Variants in PTH2R observed in about 807,000 individuals in gnomAD.
The protein encoded by PTH2R is parathyroid hormone 2 receptor, also known as PTH2 receptor.
PTH2R carries 59 observed loss-of-function variants against 60.3 expected under a neutral mutation model. The observed-to-expected ratio is 0.98, with a 90% CI of 0.79 to 1.22. PTH2R has a LOEUF of 1.22. Ranked by LOEUF, PTH2R falls within the 50% of genes most tolerant of loss-of-function variation. PTH2R has a pLI of 0.00. For synonymous variants in PTH2R, 256 were observed against 243.8 expected (o/e 1.05, Z -0.47); for missense variants, 749 against 682.6 (o/e 1.10, Z -1.08).
At chr2:208,481,646 A>G (rs1351964029) in intron 10 of PTH2R, among the ~76,000 whole-genome samples, 1 of 152,210 alleles carries the variant, frequency 6.6e-6, no homozygotes, top group Non-Finnish European at 1.5e-5. Context: ...AGTAACCCCA[A>G]AAGCTACCCC....
At chr2:208,489,540 GA>G (rs1435871104) in intron 11 of PTH2R, among the ~76,000 whole-genome samples, 1 of 152,108 alleles carries the variant, frequency 6.6e-6, no homozygotes, top group East Asian at 1.9e-4. Context: ...CAAAACTGAG[GA>G]AGAGGTTGCT....
At chr2:208,461,476 T>C (rs929034509) in intron 9 of PTH2R, among the ~76,000 whole-genome samples, 5 of 152,146 alleles carry the variant, frequency 3.3e-5, no homozygotes, top group Non-Finnish European at 7.4e-5. Context: ...TACTATTATC[T>C]TTTTAAGGGA....
chr2:208,449,850 T>C (rs190968309), intron 7 of PTH2R, among the ~76,000 whole-genome samples: 43 of 152,334 alleles, frequency 2.8e-4, no homozygotes, highest in African/African-American at 9.9e-4. Context: ...GACCAAAATT[T>C]TGTTTTCCCC....
intron 6 of PTH2R, among the ~76,000 whole-genome samples, chr2:208,443,834 C>T (rs1027185324): frequency 2.0e-5 from 3 of 152,128 alleles, no homozygotes; most frequent in African/African-American, 7.2e-5. Context: ...TCATGGGGCT[C>T]ACCACTTTCG....
intron 1 of PTH2R, among the ~76,000 whole-genome samples, chr2:208,401,644 C>G (rs1176805342): frequency 1.3e-5 from 2 of 152,116 alleles, no homozygotes; most frequent in Non-Finnish European, 2.9e-5. Flanking sequence ...CCCTCCTGTT[C>G]TGCCCGTCTC....
chr2:208,410,687 A>G (rs1701522493), intron 1 of PTH2R, among the ~76,000 whole-genome samples: 1 of 152,222 alleles, frequency 6.6e-6, no homozygotes. Flanking sequence ...ATATGGTATG[A>G]TATCATTTAC....
chr2:208,386,173 C>T (rs1700997590), intron 1 of PTH2R, among the ~76,000 whole-genome samples: 2 of 152,192 alleles, frequency 1.3e-5, no homozygotes, highest in Admixed American at 6.5e-5. Flanking sequence ...GACTTGTGCT[C>T]ATCATCATAC....
intron 1 of PTH2R, among the ~76,000 whole-genome samples, chr2:208,380,281 G>C (rs1417306186): frequency 2.0e-5 from 3 of 152,076 alleles, no homozygotes; most frequent in Admixed American, 6.5e-5. Flanking sequence ...CAAGTGACAG[G>C]ACATAAACTT....
chr2:208,461,156 A>G (rs1175148855), intron 9 of PTH2R, among the ~76,000 whole-genome samples: 3 of 152,186 alleles, frequency 2.0e-5, no homozygotes, highest in Non-Finnish European at 4.4e-5. Context: ...CCATCCTATT[A>G]ACAAATTGGT....
At position 208,493,757 on chromosome 2, in the gene PTH2R, T is replaced by G. The variant is rs945814918; in HGVS notation, c.*98T>G. 8.2e-6 allele frequency: 11 copies of G among 1,348,740 alleles called. No individual in the cohort carries two copies. Among genetic ancestry groups the G allele is most frequent in the Non-Finnish European group, 1.1e-5 (11 of 1,007,506 alleles). 83.5% of individuals were successfully genotyped at this position (1,348,740 alleles called of 1,614,324 possible). The stretch of plus-strand genomic sequence containing the variant: ...TATGCTTGAGTTCAAAGGCTGAAAA[T>G]TCAGTTAAGGTGTTACTTAATAATA... On this transcript the variant is annotated 3_prime_UTR_variant, in exon 13 of 13. Transcript: ENST00000272847.
At position 208,397,052 on chromosome 2, in the gene PTH2R, A is replaced by G. The variant is rs559983617; in HGVS notation, c.-258-31149A>G. Among the ~76,000 whole-genome samples, 106 of 152,276 alleles carry G rather than the reference A, an allele frequency of 7.0e-4. 1 individual carries two copies. The highest frequency in any genetic ancestry group is 3.4e-3 in the Middle Eastern group (1 of 294). ...ACCATCATTCTCAGCAGACTGACCC[A>G]AGGACAGAAAACCAAACCTGCATGT... On this transcript the variant is annotated intron_variant, in intron 1 of 12. Transcript: ENST00000617735.
At chr2:208,364,865 A>C (rs1700547451) in intron 1 of PTH2R, among the ~76,000 whole-genome samples, 1 of 151,914 alleles carries the variant, frequency 6.6e-6, no homozygotes, top group South Asian at 2.1e-4. Flanking sequence ...AGTTTTCATT[A>C]TATAAGTTTT....
intron 1 of PTH2R, among the ~76,000 whole-genome samples, chr2:208,362,029 C>T (rs1300035402): frequency 6.6e-6 from 1 of 152,098 alleles, no homozygotes; most frequent in Non-Finnish European, 1.5e-5. Flanking sequence ...CAGAACAAAC[C>T]AAAAAGGTGG....
At position 208,418,635 on chromosome 2, in the gene PTH2R, G is replaced by T. The variant is rs777264906; in HGVS notation, c.76-9566G>T. 7.0e-4 allele frequency among the ~76,000 whole-genome samples: 106 copies of T among 152,186 alleles called. 1 individual carries two copies. Among genetic ancestry groups the T allele is most frequent in the Admixed American group, 3.0e-3 (46 of 15,290 alleles). ...CATAAAAATTATACTAAATGAGGTAGTTAGAAATATTCCACTTAAAGGGAG... is the reference window on the plus strand; with the variant it reads ...CATAAAAATTATACTAAATGAGGTATTTAGAAATATTCCACTTAAAGGGAG... On this transcript the variant is annotated intron_variant, in intron 1 of 12. Coordinates refer to ENST00000272847, the MANE Select transcript of PTH2R (RefSeq NM_005048.4).
chr2:208,374,768 A>G (rs1239525760), intron 1 of PTH2R, among the ~76,000 whole-genome samples: 2 of 152,006 alleles, frequency 1.3e-5, no homozygotes, highest in Non-Finnish European at 2.9e-5. Flanking sequence ...AGCCCCACAA[A>G]GTGCTGGGAT....
rs79037890 is a variant in PTH2R, at chr2:208,476,199, G to C, written c.982-4871G>C. 8.8e-3 allele frequency among the ~76,000 whole-genome samples: 1,337 copies of C among 152,214 alleles called. 24 individuals are homozygous for C. The highest frequency in any genetic ancestry group is 0.031 in the African/African-American group (1,289 of 41,528). On this transcript the variant is annotated intron_variant, in intron 9 of 12. Transcript: ENST00000272847. ...AGGTACATGCTTCTCAGCTGCTCTT[G>C]GGTGAGTGATTCATTTTCTCCCAGT...
chr2:208,365,139 C>T (rs1045657511), intron 1 of PTH2R, among the ~76,000 whole-genome samples: 3 of 151,764 alleles, frequency 2.0e-5, no homozygotes, highest in African/African-American at 7.3e-5. Context: ...TCTTTCTTCC[C>T]AATTTGGATG....
At chr2:208,404,626 GTTA>G (rs1701367244), upstream of PTH2R, among the ~76,000 whole-genome samples, 1 of 152,082 alleles carries the variant, frequency 6.6e-6, no homozygotes. Flanking sequence ...GAGGCAACTT[GTTA>G]TTAGTAATAA....
In PTH2R at chr2:208,418,377, G is replaced by A. The variant is rs566560621; in HGVS notation, c.76-9824G>A. Reference sequence around the variant, plus strand: ...TTTTGCACTCAATTTTTTTTTTTAAGGAGGAAGAATTTTAGCAAATTTTAT... The same window carrying A: ...TTTTGCACTCAATTTTTTTTTTTAAAGAGGAAGAATTTTAGCAAATTTTAT... On this transcript the variant is annotated intron_variant, in intron 1 of 12. Transcript: ENST00000272847. 2.4e-3 allele frequency among the ~76,000 whole-genome samples: 364 copies of A among 151,130 alleles called. 1 individual carries two copies. The highest frequency in any genetic ancestry group is 8.4e-3 in the African/African-American group (347 of 41,216).
Sources: gnomAD v4.1 joint callset for allele counts (sites outside exome capture counted in the v4.1 genomes callset) on GRCh38, gnomAD v4.1.1 for gene constraint, MANE v1.5 for transcripts, NCBI Gene and HGNC (gene_info 2026-07-23, HGNC 2026-07-21) for gene names.